The following FNDC7 variants were observed in gnomAD, a reference collection of about 807,000 sequenced individuals.
FNDC7 encodes the protein fibronectin type III domain-containing protein 7.
In FNDC7, 66 loss-of-function variants were observed where a neutral mutation model predicts 74.2. The ratio of observed to expected loss-of-function variants is 0.89; its 90% confidence interval spans 0.73 to 1.09. The LOEUF (loss-of-function observed/expected upper bound fraction) is 1.09, where lower values mean the gene tolerates loss of function less well. Ranked by LOEUF, FNDC7 falls within the 50% of genes least tolerant of loss-of-function variation. The pLI is 0.00. For missense variants in FNDC7, 829 were observed against 893.4 expected, an observed-to-expected ratio of 0.93 and a Z score of 0.92; for synonymous variants, 307 against 330.2, an observed-to-expected ratio of 0.93 and a Z score of 0.76.
In FNDC7 at chr1:108,740,904, T is replaced by C. The variant is rs563183366; in HGVS notation, c.2171-869T>C. 5.9e-5 allele frequency among the ~76,000 whole-genome samples: 9 copies of C among 152,406 alleles called. No homozygotes were observed. In the South Asian group the frequency reaches 1.9e-3, roughly 32 times the overall value. On this transcript the variant is annotated intron_variant, in intron 11 of 12. Transcript: ENST00000370017. ...TATGTACCAATTATTAACATTTTAA[T>C]GTGCTACTTCTAACGAAGACATTTG...
intron 9 of FNDC7, 58 bp downstream of exon 9, chr1:108,730,986 A>T: frequency 1.3e-6 from 2 of 1,513,486 alleles, no homozygotes; most frequent in Non-Finnish European, 1.8e-6. Flanking sequence ...CAATCCAGGC[A>T]TGAGCCTTTC....
intron 11 of FNDC7, among the ~76,000 whole-genome samples, chr1:108,739,774 G>A (rs1368254666): frequency 6.6e-6 from 1 of 152,166 alleles, no homozygotes; most frequent in East Asian, 1.9e-4. Flanking sequence ...GATCACTAAT[G>A]TCCTCTTTTC....
At chr1:108,720,407 G>A (rs148779921) in intron 4 of FNDC7, among the ~76,000 whole-genome samples, 2 of 152,308 alleles carry the variant, frequency 1.3e-5, no homozygotes, top group Non-Finnish European at 2.9e-5. Context: ...GGCACAGGAG[G>A]CAGCATCTTC....
intron 4 of FNDC7, among the ~76,000 whole-genome samples, chr1:108,721,625 C>A (rs1053734757): frequency 2.0e-5 from 3 of 152,156 alleles, no homozygotes; most frequent in Admixed American, 2.0e-4. Context: ...TTTCTCCCCT[C>A]CCCAGGCCAG....
At chr1:108,721,827 G>A (rs527657598) in intron 4 of FNDC7, among the ~76,000 whole-genome samples, 5 of 152,232 alleles carry the variant, frequency 3.3e-5, no homozygotes, top group South Asian at 4.1e-4. Context: ...AATTATGACC[G>A]AAAAGCTATT....
At chr1:108,731,048 A>G in intron 9 of FNDC7, 120 bp downstream of exon 9, 1 of 1,177,412 alleles carries the variant, frequency 8.5e-7, no homozygotes, top group East Asian at 2.5e-5. Flanking sequence ...TTATAAACTC[A>G]GATTACTTTC....
Position 108,728,825 on chromosome 1 carries a change from TGCTGTGGC to T in FNDC7, c.1564_1571del (p.Ala522ArgfsTer60), listed in dbSNP as rs775646325. On this transcript the variant is annotated frameshift_variant, in exon 8 of 13. Transcript: ENST00000370017. LOFTEE classifies it high-confidence loss of function. ...CCTGTGGCTCAGTGTTCTCTGTCACTGCTGTGGCCGAAACACAGGCAGGACGGAGCCTG... is the reference window on the plus strand; with the variant it reads ...CCTGTGGCTCAGTGTTCTCTGTCACTCGAAACACAGGCAGGACGGAGCCTG... 14 of 1,614,246 alleles carry T rather than the reference TGCTGTGGC, an allele frequency of 8.7e-6. No individual in the cohort carries two copies. In the South Asian group the frequency reaches 1.5e-4, roughly 18 times the overall value.
chr1:108,728,953 A>G, intron 8 of FNDC7, 67 bp downstream of exon 8: 4 of 1,565,106 alleles, frequency 2.6e-6, no homozygotes, highest in Non-Finnish European at 3.5e-6. Context: ...TCAAGACATG[A>G]ACTTCCTTAT....
At chr1:108,727,494 T>C (rs1236583923) in intron 6 of FNDC7, among the ~76,000 whole-genome samples, 1 of 151,898 alleles carries the variant, frequency 6.6e-6, no homozygotes, top group African/African-American at 2.4e-5. Context: ...AGTGGAGGGG[T>C]CAGCAATCTT....
intron 8 of FNDC7, among the ~76,000 whole-genome samples, chr1:108,730,210 C>T (rs1661311678): frequency 6.6e-6 from 1 of 151,980 alleles, no homozygotes; most frequent in Admixed American, 6.6e-5. Flanking sequence ...AACCCCATCT[C>T]TACTGAAAAT....
At chr1:108,726,080 C>CT in intron 6 of FNDC7, 76 bp downstream of exon 6, 1 of 1,519,230 alleles carries the variant, frequency 6.6e-7, no homozygotes, top group Non-Finnish European at 9.0e-7. Flanking sequence ...ACCTATTCCA[C>CT]TTATTGACTT....
intron 2 of FNDC7, among the ~76,000 whole-genome samples, chr1:108,716,318 GAGGTGT>G (rs1442169212): frequency 8.0e-6 from 1 of 125,356 alleles, no homozygotes; most frequent in African/African-American, 3.0e-5. Flanking sequence ...GAGCAGAAGA[GAGGTGT>G]GTGTGTGTGT....
chr1:108,725,774 C>A lies in FNDC7; in HGVS notation c.881C>A (p.Thr294Lys), dbSNP rs755840428. 10 of 1,614,064 alleles carry A rather than the reference C, an allele frequency of 6.2e-6. No individual in the cohort carries two copies. Among genetic ancestry groups the A allele is most frequent in the Middle Eastern group, 3.3e-4 (2 of 6,062 alleles). ...GTTGCTTGTGCACCCGGAAGAGTGA[C>A]GATCCAAGAAGATCCCCCTGGCCAC... is the stretch of plus-strand genomic sequence containing the variant. ...KTVACAPGRVTIQEDPPGHLS... is the reference protein window; with the variant it reads ...KTVACAPGRVKIQEDPPGHLS... The change falls in exon 6 of 13, where the codon ACG becomes AAG. Residue 294 changes from threonine to lysine, a missense_variant. Thr to Lys is a moderately conservative substitution (Grantham distance 78). Transcript: ENST00000370017.
intron 5 of FNDC7, among the ~76,000 whole-genome samples, chr1:108,724,728 T>C (rs914460148): frequency 5.9e-5 from 9 of 151,378 alleles, no homozygotes; most frequent in African/African-American, 2.2e-4. Context: ...CACTCCAGCC[T>C]GGGTGACAGA....
chr1:108,719,057 C>T lies in FNDC7; in HGVS notation c.598+8C>T, dbSNP rs1158094133. ...CCTGCAATCAGAGAACAAGTAAGAA[C>T]TTCTCAGCTCAGCCTCGAACAATTC... is the stretch of plus-strand genomic sequence containing the variant. On this transcript the variant is annotated splice_region_variant and intron_variant, in intron 4 of 12. Coordinates refer to ENST00000370017, the MANE Select transcript of FNDC7 (RefSeq NM_001144937.3). 2 of 1,551,826 alleles carry T rather than the reference C, an allele frequency of 1.3e-6. No homozygotes were observed. The highest frequency in any genetic ancestry group is 2.0e-5 in the Admixed American group (1 of 50,964).
At chr1:108,721,648 C>G (rs1042527372) in intron 4 of FNDC7, among the ~76,000 whole-genome samples, 3 of 152,134 alleles carry the variant, frequency 2.0e-5, no homozygotes, top group African/African-American at 7.2e-5. Flanking sequence ...CACCTTCTTA[C>G]GCTTTTTTAA....
intron 2 of FNDC7, among the ~76,000 whole-genome samples, chr1:108,716,123 A>G (rs1229598406): frequency 2.6e-5 from 4 of 152,148 alleles, no homozygotes; most frequent in Admixed American, 2.6e-4. Flanking sequence ...TGAATGCATG[A>G]TCCGGCCTCC....
intron 10 of FNDC7, among the ~76,000 whole-genome samples, chr1:108,736,033 C>T (rs1661506049): frequency 6.6e-6 from 1 of 152,166 alleles, no homozygotes; most frequent in African/African-American, 2.4e-5. Flanking sequence ...GTCTTGAACT[C>T]CCGGGCTCAA....
intron 5 of FNDC7, among the ~76,000 whole-genome samples, chr1:108,724,631 GTAGTTCCAGC>G (rs1267031311): frequency 6.6e-6 from 1 of 151,878 alleles, no homozygotes; most frequent in Non-Finnish European, 1.5e-5. Context: ...GCATGCACCT[GTAGTTCCAGC>G]TACTCACGAG....
Sources: allele counts gnomAD v4.1 joint callset (sites outside exome capture counted in the v4.1 genomes callset), GRCh38; gene constraint gnomAD v4.1.1; transcripts MANE v1.5; gene names NCBI Gene and HGNC (gene_info 2026-07-23, HGNC 2026-07-21).